HAPLN3: variants seen among roughly 807,000 people sequenced by gnomAD.
HAPLN3 encodes hyaluronan and proteoglycan link protein 3.
A neutral mutation model predicts 28.1 loss-of-function variants in HAPLN3; 28 were observed. The observed-to-expected ratio is 1.00, with a 90% CI of 0.74 to 1.37. The LOEUF (loss-of-function observed/expected upper bound fraction) is 1.37, where lower values mean the gene tolerates loss of function less well. HAPLN3 is among the 40% of genes most tolerant of loss of function. The pLI, the probability that HAPLN3 is intolerant of heterozygous loss-of-function variation, is 0.00. For missense variants in HAPLN3, 513 were observed against 504.6 expected (o/e 1.02, Z -0.16); for synonymous variants, 211 against 213.1 (o/e 0.99, Z 0.09).
rs1183378750 is a variant in HAPLN3 at position 88,879,038 on chromosome 15, A to G, written c.725T>C (p.Val242Ala). The change falls in exon 4 of 5, where the codon GTG (valine) becomes GCG (alanine). Residue 242 changes from valine to alanine, a missense_variant. By Grantham distance (64) the Val-to-Ala change is moderately conservative. Coordinates refer to ENST00000359595, the MANE Select transcript of HAPLN3 (RefSeq NM_178232.4). This position sits in a 1 kb window ranked among gnomAD's most constrained non-coding sequence, Gnocchi z 5.0. Reference sequence around the variant, plus strand: ...GCGGTGGCGGGGGCCGTAGCTTCGCACGCCAGGTGCCAGGCCCGGGCCACC... The same window carrying G: ...GCGGTGGCGGGGGCCGTAGCTTCGCGCGCCAGGTGCCAGGCCCGGGCCACC... ...PCGGPGLAPG[V>A]RSYGPRHRRL... 2 of 1,607,886 alleles carry G rather than the reference A, an allele frequency of 1.2e-6. No individual in the cohort carries two copies. The highest frequency in any genetic ancestry group is 8.5e-7 in the Non-Finnish European group (1 of 1,177,710).
intron 1 of HAPLN3, among the ~76,000 whole-genome samples, chr15:88,892,324 G>T (rs1898032724): frequency 6.6e-6 from 1 of 152,064 alleles, no homozygotes; most frequent in African/African-American, 2.4e-5. Context: ...GGGTGTGGTG[G>T]TGGGTGCCTG....
At position 88,879,289 on chromosome 15, in the gene HAPLN3, G is replaced by A. The variant is rs542682045; in HGVS notation, c.494-20C>T. On this transcript the variant is annotated intron_variant, in intron 3 of 4. Transcript: ENST00000359595. This position sits in a 1 kb window ranked among gnomAD's most constrained non-coding sequence, Gnocchi z 5.0. ...CCACACCTGCAGGGGAAGGAAAGAG[G>A]AGCTTAGGGGGTGGCCAGGGGCCCA... 1.1e-5 allele frequency: 17 copies of A among 1,604,424 alleles called. No homozygotes were observed. The South Asian group carries it at 1.5e-4, about 15-fold the overall frequency.
intron 1 of HAPLN3, chr15:88,892,884 C>T (rs1220150696): frequency 5.0e-6 from 7 of 1,392,498 alleles, no homozygotes; most frequent in African/African-American, 1.4e-5. Flanking sequence ...CCTCTGCTCC[C>T]CTACCATGGC....
intron 1 of HAPLN3, among the ~76,000 whole-genome samples, chr15:88,891,261 G>C (rs1280867710): frequency 6.6e-6 from 1 of 151,658 alleles, no homozygotes; most frequent in East Asian, 2.0e-4. Flanking sequence ...CAGTATAAAA[G>C]TATTAACAGC....
chr15:88,892,955 C>G, intron 1 of HAPLN3: 1 of 1,535,418 alleles, frequency 6.5e-7, no homozygotes, highest in Non-Finnish European at 8.7e-7. Context: ...AGGCCCAAGA[C>G]CAAGTCCAGC....
chr15:88,889,723 C>A (rs1157534606), intron 1 of HAPLN3, among the ~76,000 whole-genome samples: 2 of 152,186 alleles, frequency 1.3e-5, no homozygotes, highest in Non-Finnish European at 2.9e-5. Context: ...CACTTCCCTG[C>A]AGGGGCTGAG....
At chr15:88,883,348 A>G (rs554562390) in intron 2 of HAPLN3, among the ~76,000 whole-genome samples, 1 of 152,370 alleles carries the variant, frequency 6.6e-6, no homozygotes, top group South Asian at 2.1e-4. Flanking sequence ...GAGTCAGGCA[A>G]TTCGGGCTTG....
intron 2 of HAPLN3, among the ~76,000 whole-genome samples, chr15:88,884,591 G>C: frequency 6.6e-6 from 1 of 152,010 alleles, no homozygotes; most frequent in East Asian, 1.9e-4. Flanking sequence ...ATAAAGTAGG[G>C]CTTGTATAAC....
rs1897563845 is a variant in HAPLN3 at position 88,877,660 on chromosome 15, C to T, written c.*310G>A. On this transcript the variant is annotated 3_prime_UTR_variant, in exon 5 of 5. Coordinates refer to ENST00000359595, the MANE Select transcript of HAPLN3 (RefSeq NM_178232.4). The surrounding 1 kb of genome is among the most constrained non-coding windows in gnomAD (Gnocchi z 5.1). ...GACTCCCGGCGGCATTCTAGACAGG[C>T]CACCGCCCACTCTGGGCACCAACCT... 3 of 311,594 alleles carry T rather than the reference C, an allele frequency of 9.6e-6. No homozygotes were observed. Among genetic ancestry groups the T allele is most frequent in the Admixed American group, 9.5e-5 (2 of 21,064 alleles). The allele number at this position is 311,594 out of a possible 1,614,324, so 19.3% of individuals were successfully genotyped here. A position where few individuals can be genotyped will look rare whatever the true frequency, so the allele number is the denominator to read the frequency against.
chr15:88,878,896 C>T, intron 4 of HAPLN3, 71 bp downstream of exon 4: 16 of 1,467,062 alleles, frequency 1.1e-5, no homozygotes, highest in Non-Finnish European at 1.4e-5. Flanking sequence ...CAGAGCTCCC[C>T]AGAAGCTGCC....
In HAPLN3 at chr15:88,885,425, G is replaced by A. The variant is rs555891543; in HGVS notation, c.124+1750C>T. ...TGAGTAGCTGGGATTACAGGTGCAC[G>A]CCACCACACCCGGCTAATTTTTTGT... On this transcript the variant is annotated intron_variant, in intron 2 of 4. Transcript: ENST00000359595. Among the ~76,000 whole-genome samples the A allele has an allele frequency of 5.3e-5, 8 of 150,184 alleles. No homozygotes were observed. The South Asian group carries it at 1.7e-3, about 32-fold the overall frequency.
chr15:88,881,281 G>C lies in HAPLN3; in HGVS notation c.493+76C>G. 6.6e-7 allele frequency: 1 copy of C among 1,504,226 alleles called. No individual in the cohort carries two copies. Among genetic ancestry groups the C allele is most frequent in the Non-Finnish European group, 9.0e-7 (1 of 1,117,234 alleles). The allele number at this position is 1,504,226 out of a possible 1,614,324, so 93.2% of individuals were successfully genotyped here. On this transcript the variant is annotated intron_variant, in intron 3 of 4. Transcript: ENST00000359595. This position sits in a 1 kb window ranked among gnomAD's most constrained non-coding sequence, Gnocchi z 6.0. ...TACTTTTAAATGTCTAAAGCACAGA[G>C]GTCTGGATGTTTTCTCTGGTCCTCT...
In HAPLN3 at chr15:88,881,005, A is replaced by C. The variant is rs1897681578; in HGVS notation, c.493+352T>G. On this transcript the variant is annotated intron_variant, in intron 3 of 4. Coordinates refer to ENST00000359595, the MANE Select transcript of HAPLN3 (RefSeq NM_178232.4). The surrounding 1 kb of genome is among the most constrained non-coding windows in gnomAD (Gnocchi z 6.0). ...CTTGTGTTACCCGCTAACCTTGCTT[A>C]AATCTCAGCTCTGTCTCTAATAAGC... 1 of 310,746 alleles carries C rather than the reference A, an allele frequency of 3.2e-6. No homozygotes were observed. The highest frequency in any genetic ancestry group is 2.2e-5 in the African/African-American group (1 of 45,664). The allele number at this position is 310,746 out of a possible 1,614,324, so 19.2% of individuals were successfully genotyped here. A position where few individuals can be genotyped will look rare whatever the true frequency, so the allele number is the denominator to read the frequency against.
chr15:88,884,348 C>T (rs1408895758), intron 2 of HAPLN3, among the ~76,000 whole-genome samples: 4 of 152,054 alleles, frequency 2.6e-5, no homozygotes, highest in African/African-American at 7.2e-5. Context: ...GCGGATCAGG[C>T]GGTCAGGAGA....
rs753757253 is a variant in HAPLN3 at position 88,877,953 on chromosome 15, G to C, written c.*17C>G. 14 of 1,572,332 alleles carry C rather than the reference G, an allele frequency of 8.9e-6. No individual in the cohort carries two copies. The East Asian group carries it at 2.5e-4, about 28-fold the overall frequency. Reference sequence around the variant, plus strand: ...ACACAGCCAGTGAGGGAATGCGGCAGGGGAGGGCCCCAGGTCCTAGTGCTG... The same window carrying C: ...ACACAGCCAGTGAGGGAATGCGGCACGGGAGGGCCCCAGGTCCTAGTGCTG... On this transcript the variant is annotated 3_prime_UTR_variant, in exon 5 of 5. Transcript: ENST00000359595. The surrounding 1 kb of genome is among the most constrained non-coding windows in gnomAD (Gnocchi z 5.1).
Position 88,879,506 on chromosome 15 carries a change from C to T in HAPLN3, c.494-237G>A, listed in dbSNP as rs1897638075. On this transcript the variant is annotated intron_variant, in intron 3 of 4. Transcript: ENST00000359595. This position sits in a 1 kb window ranked among gnomAD's most constrained non-coding sequence, Gnocchi z 5.0. ...CCATGAGTTAAGGTAATTAATTAGT[C>T]CATTAATGTCCCCAACAATGTCCCC... 2 of 1,509,216 alleles carry T rather than the reference C, an allele frequency of 1.3e-6. No individual in the cohort carries two copies. The highest frequency in any genetic ancestry group is 1.4e-5 in the African/African-American group (1 of 72,548). The allele number at this position is 1,509,216 out of a possible 1,614,324, so 93.5% of individuals were successfully genotyped here. A position where few individuals can be genotyped will look rare whatever the true frequency, so the allele number is the denominator to read the frequency against.
chr15:88,880,691 G>A lies in HAPLN3; in HGVS notation c.493+666C>T. 1 of 938,880 alleles carries A rather than the reference G, an allele frequency of 1.1e-6. No homozygotes were observed. Among genetic ancestry groups the A allele is most frequent in the Non-Finnish European group, 1.5e-6 (1 of 679,244 alleles). The allele number at this position is 938,880 out of a possible 1,614,324, so 58.2% of individuals were successfully genotyped here. A position where few individuals can be genotyped will look rare whatever the true frequency, so the allele number is the denominator to read the frequency against. On this transcript the variant is annotated intron_variant, in intron 3 of 4. Transcript: ENST00000359595. The surrounding 1 kb of genome is among the most constrained non-coding windows in gnomAD (Gnocchi z 6.0). ...AGATCCGGCTTGCAGGGTGTGGCTG[G>A]TTTGGACAGCACTGGGTTTTTGTTT...
At chr15:88,890,023 G>A (rs1897970486) in intron 1 of HAPLN3, among the ~76,000 whole-genome samples, 1 of 148,320 alleles carries the variant, frequency 6.7e-6, no homozygotes. Flanking sequence ...GGAGGAAGGG[G>A]AGGAAGGAAG....
Position 88,880,954 on chromosome 15 carries a change from C to T in HAPLN3, c.493+403G>A, listed in dbSNP as rs1470338207. ...TGTGCCCAGTCCCCACCACTCCCAT[C>T]GTCTCACAGTGGGCTGCCTCATTCG... On this transcript the variant is annotated intron_variant, in intron 3 of 4. Coordinates refer to ENST00000359595, the MANE Select transcript of HAPLN3 (RefSeq NM_178232.4). This position sits in a 1 kb window ranked among gnomAD's most constrained non-coding sequence, Gnocchi z 6.0. 6.6e-6 allele frequency among the ~76,000 whole-genome samples: 1 copy of T among 152,136 alleles called. No homozygotes were observed. The highest frequency in any genetic ancestry group is 2.4e-5 in the African/African-American group (1 of 41,434).
Sources: gnomAD v4.1 joint callset for allele counts (sites outside exome capture counted in the v4.1 genomes callset) on GRCh38, gnomAD v4.1.1 for gene constraint, Gnocchi (gnomAD v3.1) non-coding constraint, MANE v1.5 for transcripts, NCBI Gene and HGNC (gene_info 2026-07-23, HGNC 2026-07-21) for gene names.